STRA6: variants seen among roughly 807,000 people sequenced by gnomAD.
STRA6 encodes the protein signaling receptor and transporter of retinol STRA6, also known as receptor for retinol uptake STRA6.
In STRA6, 48 loss-of-function variants were observed where a neutral mutation model predicts 83.6. The ratio of observed to expected loss-of-function variants is 0.57; its 90% CI spans 0.46 to 0.73. STRA6 has a LOEUF of 0.73. Among genes scored for constraint, STRA6 ranks in the 30% least tolerant of loss-of-function variants. STRA6 has a pLI of 0.00. For missense variants in STRA6, 760 were observed against 838.8 expected, an observed-to-expected ratio of 0.91 and a Z score of 1.16; for synonymous variants, 353 against 362.3, an observed-to-expected ratio of 0.97 and a Z score of 0.29.
At chr15:74,192,928 C>A (rs903882253) in intron 8 of STRA6, among the ~76,000 whole-genome samples, 1 of 152,224 alleles carries the variant, frequency 6.6e-6, no homozygotes, top group Non-Finnish European at 1.5e-5. Flanking sequence ...GTCTCCCCCA[C>A]CACACTGGGA....
upstream of STRA6, chr15:74,207,764 G>C (rs12915846): frequency 1.3e-6 from 2 of 1,535,546 alleles, no homozygotes; most frequent in South Asian, 2.4e-5. Context: ...ATGCGGGCCC[G>C]TGAGCTTGGG....
At chr15:74,195,271 T>C in intron 7 of STRA6, 31 bp downstream of exon 7, 1 of 1,609,020 alleles carries the variant, frequency 6.2e-7, no homozygotes, top group Non-Finnish European at 8.5e-7. Context: ...TGTGCGCCCC[T>C]CTGCCCTAGG....
Position 74,180,873 on chromosome 15 carries a change from G to A in STRA6, c.1749C>T (p.Ala583=). The A allele has an allele frequency of 6.2e-7, 1 of 1,614,144 alleles. No individual in the cohort carries two copies. The highest frequency in any genetic ancestry group is 1.1e-5 in the South Asian group (1 of 91,082). The stretch of plus-strand genomic sequence containing the variant: ...GCGCTTGCAGGAGCAGGGAGCAGAA[G>A]GCTGTCATGGCTGGATGCGACTGGC... ...EVSQSHPAMT[A]FCSLLLQAQS... Residue 583 remains alanine, a synonymous_variant, in exon 18 of 19, where the codon GCC becomes GCT. Coordinates refer to ENST00000395105, the MANE Select transcript of STRA6 (RefSeq NM_022369.4).
In STRA6 at chr15:74,202,740, T is replaced by C; in HGVS notation, c.-43A>G. 1 of 1,235,658 alleles carries C rather than the reference T, an allele frequency of 8.1e-7. No homozygotes were observed. Among genetic ancestry groups the C allele is most frequent in the Non-Finnish European group, 1.0e-6 (1 of 991,266 alleles). The allele number at this position is 1,235,658 out of a possible 1,614,324, so 76.5% of individuals were successfully genotyped here. A position where few individuals can be genotyped will look rare whatever the true frequency, so the allele number is the denominator to read the frequency against. ...GAAGGGAGGCCCAGGGAGGAAGGAG[T>C]TGCAGAGATGAAAGGGTAGGCAGCC... On this transcript the variant is annotated 5_prime_UTR_variant, in exon 1 of 19. Coordinates refer to ENST00000395105, the MANE Select transcript of STRA6 (RefSeq NM_022369.4).
intron 12 of STRA6, among the ~76,000 whole-genome samples, chr15:74,185,719 T>C (rs1294669823): frequency 6.6e-6 from 1 of 152,164 alleles, no homozygotes; most frequent in Non-Finnish European, 1.5e-5. Context: ...CCACCTTACG[T>C]CCACATCCAG....
At chr15:74,204,940 A>AGAAAGAAAGAAAGAAAGAAAG (rs10647648), upstream of STRA6, among the ~76,000 whole-genome samples, 1 of 151,624 alleles carries the variant, frequency 6.6e-6, no homozygotes. Context: ...ATCTCAAAAA[A>AGAAAGAAAGAAAGAAAGAAAG]AAAGAAAGAA....
intron 14 of STRA6, chr15:74,183,509 G>T (rs2073092328): frequency 8.5e-7 from 1 of 1,172,568 alleles, no homozygotes; most frequent in Non-Finnish European, 1.1e-6. Flanking sequence ...CTCCCAAAGT[G>T]CTGGGATTAC....
intron 12 of STRA6, among the ~76,000 whole-genome samples, chr15:74,186,248 T>G (rs1193071880): frequency 6.6e-6 from 1 of 152,252 alleles, no homozygotes; most frequent in Non-Finnish European, 1.5e-5. Context: ...CTTCATGATT[T>G]ATTTCCATCA....
At chr15:74,205,396 A>G (rs2074237578), upstream of STRA6, among the ~76,000 whole-genome samples, 1 of 152,160 alleles carries the variant, frequency 6.6e-6, no homozygotes, top group South Asian at 2.1e-4. Flanking sequence ...TGGAAGGTGA[A>G]GGGGGGTCAG....
intron 1 of STRA6, among the ~76,000 whole-genome samples, chr15:74,208,428 C>T (rs1375576304): frequency 6.6e-6 from 1 of 152,142 alleles, no homozygotes; most frequent in Non-Finnish European, 1.5e-5. Context: ...TTTGTGCTGC[C>T]CTCCTTCCTC....
At chr15:74,191,132 C>T in intron 10 of STRA6, 35 bp downstream of exon 10, 1 of 1,611,288 alleles carries the variant, frequency 6.2e-7, no homozygotes, top group East Asian at 2.2e-5. Flanking sequence ...GGTAACGTCC[C>T]CTGTCACGCT....
upstream of STRA6, chr15:74,209,424 C>T (rs2074333968): frequency 1.3e-6 from 2 of 1,535,542 alleles, no homozygotes; most frequent in Admixed American, 2.0e-5. Context: ...AGGGGAACCA[C>T]CAGCTCGGCT....
chr15:74,189,069 C>T (rs1241853350), intron 12 of STRA6, 46 bp downstream of exon 12: 2 of 1,611,006 alleles, frequency 1.2e-6, no homozygotes, highest in East Asian at 4.5e-5. Context: ...GGTCTCCCCG[C>T]TTTCATTCCC....
Position 74,181,083 on chromosome 15 carries a change from G to A in STRA6, c.1685-146C>T, listed in dbSNP as rs115855903. 6.1e-4 allele frequency: 834 copies of A among 1,367,982 alleles called. 6 individuals carry two copies. The African/African-American group carries it at 0.01, about 17-fold the overall frequency. 84.7% of individuals were successfully genotyped at this position (1,367,982 alleles called of 1,614,324 possible). A position where few individuals can be genotyped will look rare whatever the true frequency, so the allele number is the denominator to read the frequency against. On this transcript the variant is annotated intron_variant, in intron 17 of 18. Transcript: ENST00000395105. ...ACACCAAGCACGTGGCACATTGGCT[G>A]CATGGGCACGTGTGGACCTGCTAGA...
chr15:74,180,047 A>ATGTTGACCTTCCCTGCCCT lies in STRA6; in HGVS notation c.*32_*33insAGGGCAGGGAAGGTCAACA. 6.2e-7 allele frequency: 1 copy of ATGTTGACCTTCCCTGCCCT among 1,606,870 alleles called. No homozygotes were observed. The highest frequency in any genetic ancestry group is 8.5e-7 in the Non-Finnish European group (1 of 1,174,578). On this transcript the variant is annotated 3_prime_UTR_variant, in exon 19 of 19. Transcript: ENST00000395105. ...ATGGTAGGCAGGAACATGCCTCAGC[A>ATGTTGACCTTCCCTGCCCT]CAGATGGGCAGGTGGGTTGACCTTC...
At chr15:74,204,741 C>A (rs1297198364), upstream of STRA6, among the ~76,000 whole-genome samples, 1 of 152,154 alleles carries the variant, frequency 6.6e-6, no homozygotes, top group African/African-American at 2.4e-5. Context: ...GAGACCCAGC[C>A]TGGCCAACAA....
chr15:74,211,682 G>A (rs1391195768), upstream of STRA6, among the ~76,000 whole-genome samples: 5 of 152,078 alleles, frequency 3.3e-5, no homozygotes, highest in Non-Finnish European at 4.4e-5. Context: ...GGGATTACAG[G>A]TATGAGTCAC....
Position 74,195,323 on chromosome 15 carries a change from T to A in STRA6, c.576A>T (p.Ala192=), listed in dbSNP as rs1209509479. The change falls in exon 7 of 19, where the codon GCA becomes GCT. Residue 192 remains alanine, a synonymous_variant. Coordinates refer to ENST00000395105, the MANE Select transcript of STRA6 (RefSeq NM_022369.4). The stretch of plus-strand genomic sequence containing the variant: ...TTACCTTGGGCACCTGGGGACACTC[T>A]GCCCTCTGCCAGACCTGGACCCCAA... ...AHLGVQVWQR[A]ECPQVPKIYK... is the part of the protein sequence containing the mutation. 1 of 1,612,906 alleles carries A rather than the reference T, an allele frequency of 6.2e-7. No homozygotes were observed. The highest frequency in any genetic ancestry group is 8.5e-7 in the Non-Finnish European group (1 of 1,179,952).
rs754254922 is a variant in STRA6 at position 74,195,371 on chromosome 15, G to T, written c.528C>A (p.Gly176=). 3.1e-6 allele frequency: 5 copies of T among 1,613,446 alleles called. No homozygotes were observed. The highest frequency in any genetic ancestry group is 4.2e-6 in the Non-Finnish European group (5 of 1,180,016). The change falls in exon 7 of 19, where the codon GGC becomes GGA. Residue 176 remains glycine (G), a synonymous_variant. Transcript: ENST00000395105. ...TAGHTAAHLL[G]STLSWAHLGV... is the part of the protein sequence containing the mutation. ...CAAGGTGGGCCCAGGACAGCGTGCT[G>T]CCGAGCAGGTGTGCAGCTGTGTGGC... is the stretch of plus-strand genomic sequence containing the variant.
Sources: allele counts gnomAD v4.1 joint callset (sites outside exome capture counted in the v4.1 genomes callset), GRCh38; gene constraint gnomAD v4.1.1; transcripts MANE v1.5; gene names NCBI Gene and HGNC (gene_info 2026-07-23, HGNC 2026-07-21).